Variants in SLC9D1 observed in about 807,000 individuals in gnomAD.
SLC9D1 encodes solute carrier family 9 member D1.
chr13:113,521,544 C>T, the SLC9D1 span, among the ~76,000 whole-genome samples: 4 of 151,970 alleles, frequency 2.6e-5, no homozygotes, highest in Admixed American at 6.6e-5. Context: ...CATCTGCATG[C>T]GTGTGTGGTG....
At chr13:113,522,330 CTTTGTTGTTGTT>C in the SLC9D1 span, among the ~76,000 whole-genome samples, 14 of 152,236 alleles carry the variant, frequency 9.2e-5, no homozygotes, top group African/African-American at 3.4e-4. Context: ...TGTAATTTTT[CTTTGTTGTTGTT>C]GTTGTTGTTG....
the SLC9D1 span, among the ~76,000 whole-genome samples, chr13:113,500,740 A>G: frequency 3.3e-5 from 5 of 152,194 alleles, no homozygotes; most frequent in Non-Finnish European, 5.9e-5. Context: ...ATATACTGTC[A>G]GGTCTCCAGC....
chr13:113,516,843 C>T, the SLC9D1 span, among the ~76,000 whole-genome samples: 1 of 152,178 alleles, frequency 6.6e-6, no homozygotes, highest in African/African-American at 2.4e-5. Flanking sequence ...GAGGCAGGCA[C>T]CTGGAGGTCA....
the SLC9D1 span, among the ~76,000 whole-genome samples, chr13:113,515,026 C>G: frequency 6.6e-6 from 1 of 152,188 alleles, no homozygotes; most frequent in Non-Finnish European, 1.5e-5. Context: ...CCCTGGCAGA[C>G]ATTTTTAACC....
chr13:113,539,802 G>T, the SLC9D1 span, among the ~76,000 whole-genome samples: 1 of 152,102 alleles, frequency 6.6e-6, no homozygotes, highest in African/African-American at 2.4e-5. The surrounding 1 kb of genome is among the most constrained non-coding windows in gnomAD (Gnocchi z 4.8). Flanking sequence ...TTGGTGTACA[G>T]ATGATTTTGC....
the SLC9D1 span, among the ~76,000 whole-genome samples, chr13:113,540,422 C>T: frequency 1.3e-5 from 2 of 152,208 alleles, no homozygotes; most frequent in African/African-American, 2.4e-5. Context: ...TTTTTAGAAT[C>T]GCCATTCTGA....
At chr13:113,511,188 C>T in the SLC9D1 span, among the ~76,000 whole-genome samples, 1 of 151,106 alleles carries the variant, frequency 6.6e-6, no homozygotes, top group African/African-American at 2.5e-5. Flanking sequence ...GCCTGCCTAC[C>T]CACTGGGTAA....
chr13:113,499,624 A>G, the SLC9D1 span, among the ~76,000 whole-genome samples: 387 of 152,368 alleles, frequency 2.5e-3, 1 homozygote, highest in African/African-American at 8.8e-3. Flanking sequence ...TAATAAAAAC[A>G]AATCAGAATA....
the SLC9D1 span, chr13:113,510,229 C>T: frequency 6.2e-7 from 1 of 1,612,398 alleles, no homozygotes; most frequent in South Asian, 1.1e-5. Flanking sequence ...TCACTGTGTT[C>T]TCTTTAAGGT....
the SLC9D1 span, among the ~76,000 whole-genome samples, chr13:113,521,929 G>T: frequency 6.6e-6 from 1 of 152,088 alleles, no homozygotes; most frequent in African/African-American, 2.4e-5. Context: ...TACCTTTATT[G>T]CATTTCTTAC....
At chr13:113,499,281 T>A in the SLC9D1 span, among the ~76,000 whole-genome samples, 2 of 152,190 alleles carry the variant, frequency 1.3e-5, no homozygotes, top group African/African-American at 4.8e-5. Context: ...CTCTACTGCA[T>A]CTTGTTTTGT....
the SLC9D1 span, among the ~76,000 whole-genome samples, chr13:113,497,898 T>G: frequency 6.6e-6 from 1 of 152,196 alleles, no homozygotes; most frequent in Non-Finnish European, 1.5e-5. Context: ...ATTAATGCTG[T>G]TGGTTTCTAC....
the SLC9D1 span, among the ~76,000 whole-genome samples, chr13:113,525,230 G>T: frequency 6.6e-6 from 1 of 152,184 alleles, no homozygotes. Flanking sequence ...AGCAGTGGTC[G>T]GGTGGGATTC....
the SLC9D1 span, among the ~76,000 whole-genome samples, chr13:113,511,427 C>T: frequency 5.9e-5 from 9 of 152,156 alleles, no homozygotes; most frequent in African/African-American, 2.2e-4. Flanking sequence ...AAGCAGGGTG[C>T]TGGAGCATGT....
the SLC9D1 span, chr13:113,534,013 A>G: frequency 2.6e-6 from 4 of 1,522,390 alleles, no homozygotes; most frequent in Non-Finnish European, 3.6e-6. Context: ...TGTGTTTTGG[A>G]AGTGAAATCA....
the SLC9D1 span, among the ~76,000 whole-genome samples, chr13:113,509,311 T>TG: frequency 3.2e-5 from 3 of 93,604 alleles, no homozygotes; most frequent in Admixed American, 1.1e-4. Flanking sequence ...CTTCCTGTGT[T>TG]AGGATGGCAG....
chr13:113,546,276 T>C, the SLC9D1 span, among the ~76,000 whole-genome samples: 5 of 151,292 alleles, frequency 3.3e-5, no homozygotes, highest in African/African-American at 9.7e-5. This position sits in a 1 kb window ranked among gnomAD's most constrained non-coding sequence, Gnocchi z 7.1. Context: ...GGGGCTCAGC[T>C]GACAGCTGGG....
the SLC9D1 span, among the ~76,000 whole-genome samples, chr13:113,501,350 G>A: frequency 6.6e-6 from 1 of 152,200 alleles, no homozygotes; most frequent in African/African-American, 2.4e-5. Flanking sequence ...AATTTCCATT[G>A]TGTAGGTATC....
the SLC9D1 span, chr13:113,498,603 T>A: frequency 8.9e-7 from 1 of 1,125,288 alleles, no homozygotes; most frequent in Non-Finnish European, 1.3e-6. Context: ...TGTTCACGTG[T>A]ATGTTTTTAA....
Sources: gnomAD v4.1 joint callset for allele counts (sites outside exome capture counted in the v4.1 genomes callset) on GRCh38, gnomAD v4.1.1 for gene constraint, Gnocchi (gnomAD v3.1) non-coding constraint, MANE v1.5 for transcripts, NCBI Gene and HGNC (gene_info 2026-07-23, HGNC 2026-07-21) for gene names.